Variants in MALT1 observed in about 807,000 individuals in gnomAD.
The protein encoded by MALT1 is MALT1 paracaspase, also known as mucosa-associated lymphoid tissue lymphoma translocation protein 1.
A neutral mutation model predicts 85.5 loss-of-function variants in MALT1; 36 were observed. That is an observed-to-expected ratio of 0.42 (90% CI 0.32 to 0.56). The LOEUF (loss-of-function observed/expected upper bound fraction) is 0.56. Among genes scored for constraint, MALT1 ranks in the 20% least tolerant of loss-of-function variants. The probability of loss-of-function intolerance (pLI) is 0.10; values close to 1 mark genes in which losing one functional copy is unlikely to be tolerated. For missense variants in MALT1, 716 were observed against 981.6 expected (o/e 0.73, Z 3.62); for synonymous variants, 359 against 361.3 (o/e 0.99, Z 0.07).
chr18:58,748,088 G>A lies in MALT1; in HGVS notation c.*246G>A. 2.1e-6 allele frequency: 1 copy of A among 473,306 alleles called. No homozygotes were observed. Among genetic ancestry groups the A allele is most frequent in the South Asian group, 2.3e-5 (1 of 42,810 alleles). The allele number at this position is 473,306 out of a possible 1,614,324, so 29.3% of individuals were successfully genotyped here. A position where few individuals can be genotyped will look rare whatever the true frequency, so the allele number is the denominator to read the frequency against. On this transcript the variant is annotated 3_prime_UTR_variant, in exon 17 of 17. Transcript: ENST00000649217. ...ACAAATGAAGTATGGAGGTGTGTAT[G>A]TTTATATGTATATAACAAAATATTT...
chr18:58,698,711 G>A (rs993645454), intron 3 of MALT1, among the ~76,000 whole-genome samples: 2 of 152,208 alleles, frequency 1.3e-5, no homozygotes, highest in African/African-American at 4.8e-5. Flanking sequence ...AGAGCTTTCA[G>A]AAGGAGTAGC....
chr18:58,737,624 G>T (rs1030469924), intron 13 of MALT1, among the ~76,000 whole-genome samples: 1 of 151,918 alleles, frequency 6.6e-6, no homozygotes, highest in South Asian at 2.1e-4. Context: ...TCTCTGTCGC[G>T]CAGGCTAGAG....
intron 2 of MALT1, chr18:58,691,688 G>T (rs1226033697): frequency 6.4e-6 from 1 of 155,100 alleles, no homozygotes; most frequent in Non-Finnish European, 1.4e-5. Context: ...CTAACGTGGT[G>T]AAACCCCGTC....
intron 2 of MALT1, among the ~76,000 whole-genome samples, chr18:58,687,571 C>T (rs1568126292): frequency 6.6e-6 from 1 of 152,138 alleles, no homozygotes; most frequent in Non-Finnish European, 1.5e-5. Context: ...TAGAAGATTG[C>T]AGAGTAACTT....
chr18:58,717,650 G>A (rs1465787854), intron 9 of MALT1, among the ~76,000 whole-genome samples: 1 of 151,500 alleles, frequency 6.6e-6, no homozygotes, highest in Non-Finnish European at 1.5e-5. Context: ...GGAAGCTGAG[G>A]CACGAGAATC....
chr18:58,675,942 A>G (rs1346455920), intron 1 of MALT1, among the ~76,000 whole-genome samples: 1 of 152,144 alleles, frequency 6.6e-6, no homozygotes, highest in Non-Finnish European at 1.5e-5. Flanking sequence ...CAGTTTCTGC[A>G]CCCTCTGGTT....
At chr18:58,721,557 T>C (rs1259597502) in intron 9 of MALT1, among the ~76,000 whole-genome samples, 1 of 152,196 alleles carries the variant, frequency 6.6e-6, no homozygotes, top group Non-Finnish European at 1.5e-5. Flanking sequence ...ACATATAGAA[T>C]AGAGATGACA....
intron 4 of MALT1, among the ~76,000 whole-genome samples, chr18:58,704,571 C>T (rs1473147327): frequency 1.3e-5 from 2 of 152,182 alleles, no homozygotes; most frequent in African/African-American, 4.8e-5. Flanking sequence ...ATCCTCCTAC[C>T]TCAGCCTCCT....
At chr18:58,734,053 T>G (rs2055191215) in intron 11 of MALT1, 2 of 1,291,822 alleles carry the variant, frequency 1.5e-6, no homozygotes, top group African/African-American at 3.0e-5. Flanking sequence ...GATTTACTAT[T>G]TTTTTGCTTG....
intron 13 of MALT1, 47 bp from the exon 14 acceptor site, chr18:58,741,818 T>C (rs767739814): frequency 1.7e-6 from 2 of 1,188,330 alleles, no homozygotes; most frequent in Non-Finnish European, 1.2e-6. Flanking sequence ...ATTTAAAACA[T>C]AAGAATTGGT....
Position 58,701,612 on chromosome 18 carries a change from C to A in MALT1, c.649+1021C>A, listed in dbSNP as rs889160649. On this transcript the variant is annotated intron_variant, in intron 4 of 16. Transcript: ENST00000649217. ...ATTCATTGACCACCCTCATGAGGCA[C>A]AGCCTTGGGCTTCGATGTTACAGCT... 2.0e-5 allele frequency among the ~76,000 whole-genome samples: 3 copies of A among 152,310 alleles called. No homozygotes were observed. In the South Asian group the frequency reaches 6.2e-4, roughly 32 times the overall value.
intron 16 of MALT1, among the ~76,000 whole-genome samples, chr18:58,746,841 C>CCTCA: frequency 6.6e-6 from 1 of 152,114 alleles, no homozygotes; most frequent in Middle Eastern, 3.4e-3. Context: ...GATTCTTGTG[C>CCTCA]CTCAGCCTCC....
intron 16 of MALT1, among the ~76,000 whole-genome samples, chr18:58,746,914 A>G (rs2055375531): frequency 6.6e-6 from 1 of 152,120 alleles, no homozygotes; most frequent in African/African-American, 2.4e-5. Context: ...TTTTTAGTAG[A>G]GACAGGTTTC....
chr18:58,743,873 A>T (rs2055333112), intron 14 of MALT1, among the ~76,000 whole-genome samples: 1 of 152,166 alleles, frequency 6.6e-6, no homozygotes, highest in African/African-American at 2.4e-5. Flanking sequence ...CCATATGTAA[A>T]GGAACAATCA....
intron 4 of MALT1, among the ~76,000 whole-genome samples, chr18:58,703,852 G>T (rs924258897): frequency 1.3e-5 from 2 of 152,090 alleles, no homozygotes; most frequent in South Asian, 4.1e-4. Context: ...GTACAGATAC[G>T]TGTACAGTCC....
intron 9 of MALT1, 129 bp from the exon 10 acceptor site, chr18:58,722,915 TTAAA>T: frequency 4.7e-6 from 3 of 636,254 alleles, no homozygotes; most frequent in South Asian, 2.1e-5. Context: ...TAAAATGAAA[TTAAA>T]TAATGAAATC....
intron 2 of MALT1, chr18:58,690,857 G>T: frequency 4.3e-6 from 1 of 230,596 alleles, no homozygotes; most frequent in South Asian, 7.1e-5. Flanking sequence ...GAACCAAGAT[G>T]AGCGTCTTCT....
chr18:58,721,518 G>A (rs2054982786), intron 9 of MALT1, among the ~76,000 whole-genome samples: 1 of 116,526 alleles, frequency 8.6e-6, no homozygotes, highest in African/African-American at 5.2e-5. Flanking sequence ...CATAACACTG[G>A]GCAGTTGGCT....
chr18:58,680,905 G>A (rs541471990), intron 1 of MALT1, among the ~76,000 whole-genome samples: 1 of 140,088 alleles, frequency 7.1e-6, no homozygotes, highest in East Asian at 2.1e-4. Flanking sequence ...AGTCCGGCCT[G>A]GGCGACAGAG....
Sources: gnomAD v4.1 joint callset for allele counts (sites outside exome capture counted in the v4.1 genomes callset) on GRCh38, gnomAD v4.1.1 for gene constraint, MANE v1.5 for transcripts, NCBI Gene and HGNC (gene_info 2026-07-23, HGNC 2026-07-21) for gene names.